The following PCDH15 variants were observed in gnomAD, a reference collection of about 807,000 sequenced individuals.
The protein encoded by PCDH15 is protocadherin-15.
PCDH15 carries 129 observed loss-of-function variants against 178.5 expected under a neutral mutation model. The ratio of observed to expected loss-of-function variants is 0.72; its 90% confidence interval spans 0.63 to 0.84. The LOEUF is 0.84. Among genes scored for constraint, PCDH15 ranks in the 40% least tolerant of loss-of-function variants. The pLI, the probability that PCDH15 is intolerant of heterozygous loss-of-function variation, is 0.00. For synonymous variants in PCDH15, 800 were observed against 732.0 expected (o/e 1.09, Z -1.50); for missense variants, 2,230 against 2,099.9 (o/e 1.06, Z -1.21).
In PCDH15 at chr10:54,664,219, A is replaced by T; in HGVS notation, c.44T>A (p.Ile15Asn). Residue 15 changes from isoleucine to asparagine, a missense_variant, in exon 2 of 38, where the codon ATC becomes AAC. Ile to Asn is a moderately radical substitution (Grantham distance 149). Transcript: ENST00000644397. ...GATTTCAAAGAGAGAGCCCAGGATGATCCCTGAAGCTAAACATGTCCAGAG... is the reference window on the plus strand; with the variant it reads ...GATTTCAAAGAGAGAGCCCAGGATGTTCCCTGAAGCTAAACATGTCCAGAG... ...FYLWTCLASG[I>N]ILGSLFEICL... 6.2e-7 allele frequency: 1 copy of T among 1,612,314 alleles called. No individual in the cohort carries two copies. Among genetic ancestry groups the T allele is most frequent in the East Asian group, 2.2e-5 (1 of 44,806 alleles).
chr10:55,334,087 C>T (rs1207881070), intron 2 of PCDH15, among the ~76,000 whole-genome samples: 4 of 150,530 alleles, frequency 2.7e-5, no homozygotes, highest in Admixed American at 1.3e-4. Context: ...ACTTCTAGCA[C>T]GCCACTTCAA....
chr10:54,435,391 T>C (rs995093989), intron 3 of PCDH15, among the ~76,000 whole-genome samples: 1 of 152,206 alleles, frequency 6.6e-6, no homozygotes, highest in African/African-American at 2.4e-5. Flanking sequence ...TGACCCAGAT[T>C]ATGCTAGGTC....
At chr10:53,905,161 TGC>T in intron 25 of PCDH15, 1 of 518,602 alleles carries the variant, frequency 1.9e-6, no homozygotes, top group Non-Finnish European at 3.9e-6. Flanking sequence ...ACTCCACAGC[TGC>T]CCATATACTT....
At chr10:54,090,893 A>C (rs1306307655) in intron 15 of PCDH15, among the ~76,000 whole-genome samples, 1 of 152,186 alleles carries the variant, frequency 6.6e-6, no homozygotes, top group Non-Finnish European at 1.5e-5. Flanking sequence ...ATGTTAATAG[A>C]TGTTGAGAGG....
chr10:54,011,820 C>T (rs1057002382), intron 20 of PCDH15, among the ~76,000 whole-genome samples: 1 of 152,174 alleles, frequency 6.6e-6, no homozygotes, highest in East Asian at 1.9e-4. Context: ...GTTGAAAGAA[C>T]ATCAGCGAAC....
intron 1 of PCDH15, among the ~76,000 whole-genome samples, chr10:54,754,359 T>C (rs947328203): frequency 6.6e-6 from 1 of 152,130 alleles, no homozygotes; most frequent in African/African-American, 2.4e-5. Context: ...CAAATAAAGA[T>C]AGACTCGTTC....
intron 24 of PCDH15, among the ~76,000 whole-genome samples, chr10:53,939,642 G>A (rs750437456): frequency 3.3e-5 from 5 of 151,330 alleles, no homozygotes; most frequent in East Asian, 3.9e-4. Context: ...ATTAATCTCC[G>A]CTTACTGGAC....
intron 2 of PCDH15, among the ~76,000 whole-genome samples, chr10:55,439,458 T>C (rs1163152360): frequency 6.6e-6 from 1 of 152,112 alleles, no homozygotes; most frequent in Non-Finnish European, 1.5e-5. Context: ...ATGACCTTCA[T>C]TCCAGAAAAT....
chr10:55,258,292 A>C, intron 1 of PCDH15, among the ~76,000 whole-genome samples: 1 of 152,156 alleles, frequency 6.6e-6, no homozygotes, highest in East Asian at 1.9e-4. Flanking sequence ...CCCAGGCATG[A>C]GCTTATGGAG....
In PCDH15 at chr10:53,911,230, G is replaced by A. The variant is rs553934698; in HGVS notation, c.3374-7860C>T. Among the ~76,000 whole-genome samples the A allele has an allele frequency of 2.0e-5, 3 of 152,268 alleles. No homozygotes were observed. In the South Asian group the frequency reaches 6.2e-4, roughly 32 times the overall value. On this transcript the variant is annotated intron_variant, in intron 25 of 37. Transcript: ENST00000644397. The stretch of plus-strand genomic sequence containing the variant: ...GGAAGTAAAGCACCCCTCAGCAAAT[G>A]TAAAAGAACAGAAATCACAAGAAAC...
intron 10 of PCDH15, among the ~76,000 whole-genome samples, chr10:54,198,765 TGCTGGG>T (rs2049943837): frequency 6.6e-6 from 1 of 151,092 alleles, no homozygotes; most frequent in African/African-American, 2.5e-5. Flanking sequence ...CCTCCCAAAG[TGCTGGG>T]ATTACAGGCG....
intron 2 of PCDH15, among the ~76,000 whole-genome samples, chr10:55,453,849 T>C (rs1839488815): frequency 6.6e-6 from 1 of 152,114 alleles, no homozygotes; most frequent in Non-Finnish European, 1.5e-5. Context: ...TAAAAGACTA[T>C]CCCTCGAGGA....
intron 2 of PCDH15, among the ~76,000 whole-genome samples, chr10:54,902,893 A>C (rs1954661255): frequency 6.6e-6 from 1 of 152,168 alleles, no homozygotes; most frequent in African/African-American, 2.4e-5. Context: ...CTGCAATTTC[A>C]GCAGTCACTG....
chr10:54,866,226 G>A (rs957042843), intron 3 of PCDH15, among the ~76,000 whole-genome samples: 2 of 152,150 alleles, frequency 1.3e-5, no homozygotes, highest in African/African-American at 4.8e-5. Flanking sequence ...ATTATTGAAG[G>A]TATTGCTTTT....
chr10:54,487,378 T>C (rs1013658521), intron 3 of PCDH15, among the ~76,000 whole-genome samples: 4 of 151,986 alleles, frequency 2.6e-5, no homozygotes, highest in African/African-American at 9.7e-5. Flanking sequence ...CATGGGAAAT[T>C]AATTAATGTA....
At chr10:55,189,560 A>G (rs899264077) in intron 1 of PCDH15, among the ~76,000 whole-genome samples, 4 of 151,834 alleles carry the variant, frequency 2.6e-5, no homozygotes, top group African/African-American at 9.7e-5. Flanking sequence ...CCAGAACTTG[A>G]TTTTGTTTTG....
At chr10:53,980,571 G>A (rs1341014743) in intron 21 of PCDH15, among the ~76,000 whole-genome samples, 3 of 152,160 alleles carry the variant, frequency 2.0e-5, no homozygotes, top group Non-Finnish European at 4.4e-5. Context: ...CACTCTGGAA[G>A]TGAGGAGAAA....
At chr10:54,755,338 T>C (rs1946930826) in intron 1 of PCDH15, among the ~76,000 whole-genome samples, 1 of 152,216 alleles carries the variant, frequency 6.6e-6, no homozygotes, top group East Asian at 1.9e-4. Context: ...TAATTTGTTC[T>C]TAAAAATATA....
Position 55,487,545 on chromosome 10 carries a change from T to C in PCDH15, c.-156+140080A>G, listed in dbSNP as rs577150059. 2.0e-5 allele frequency among the ~76,000 whole-genome samples: 3 copies of C among 151,804 alleles called. No homozygotes were observed. In the East Asian group the frequency reaches 5.8e-4, roughly 30 times the overall value. The stretch of plus-strand genomic sequence containing the variant: ...GAGGCACATCTATTTAAGCATTTTA[T>C]AGCCAGCAGTCACAACTTTCTTATT... On this transcript the variant is annotated intron_variant, in intron 2 of 5. Coordinates refer to the PCDH15 transcript ENST00000613346.
Sources: gnomAD v4.1 joint callset for allele counts (sites outside exome capture counted in the v4.1 genomes callset) on GRCh38, gnomAD v4.1.1 for gene constraint, MANE v1.5 for transcripts, NCBI Gene and HGNC (gene_info 2026-07-23, HGNC 2026-07-21) for gene names.